Variants in ABCG5 observed in about 807,000 individuals in gnomAD.
ABCG5 encodes the protein ATP-binding cassette sub-family G member 5.
ABCG5 carries 64 observed loss-of-function variants against 64.5 expected under a neutral mutation model. The observed-to-expected ratio is 0.99, with a 90% confidence interval of 0.81 to 1.22. The LOEUF is 1.22. Among genes scored for constraint, ABCG5 ranks in the 50% most tolerant of loss-of-function variants. ABCG5 has a pLI of 0.00. For missense variants in ABCG5, 908 were observed against 829.5 expected (o/e 1.09, Z -1.16); for synonymous variants, 385 against 326.3 (o/e 1.18, Z -1.94).
In ABCG5 at chr2:43,812,946, C is replaced by G. The variant is rs1666557881; in HGVS notation, c.*170G>C. 2 of 627,392 alleles carry G rather than the reference C, an allele frequency of 3.2e-6. No homozygotes were observed. The highest frequency in any genetic ancestry group is 2.9e-6 in the Non-Finnish European group (1 of 348,838). 38.9% of individuals were successfully genotyped at this position (627,392 alleles called of 1,614,324 possible). A position where few individuals can be genotyped will look rare whatever the true frequency, so the allele number is the denominator to read the frequency against. ...AGAGCAAGGGACTATAAACCACTTC[C>G]ATTGCATTCAAGGCCTGCTTGGATC... On this transcript the variant is annotated 3_prime_UTR_variant, in exon 13 of 13. Transcript: ENST00000405322.
At position 43,838,541 on chromosome 2, in the gene ABCG5, C is replaced by T. The variant is rs72542426; in HGVS notation, c.139G>A (p.Val47Ile). The change falls in exon 1 of 13, where the codon GTC becomes ATC. Residue 47 changes from valine to isoleucine, a missense_variant. Transcript: ENST00000405322. The surrounding 1 kb of genome is among the most constrained non-coding windows in gnomAD (Gnocchi z 4.2). Reference protein sequence around the residue: ...SLGILHASYSVSHRVRPWWDI... With the variant: ...SLGILHASYSISHRVRPWWDI... ...GCAGCAAGGGCTCTGCCTTACCTGA[C>T]GCTGTAGGAGGCATGGAGGATGCCC... 107 of 1,602,512 alleles carry T rather than the reference C, an allele frequency of 6.7e-5. No homozygotes were observed. Among genetic ancestry groups the T allele is most frequent in the Middle Eastern group, 3.4e-4 (2 of 5,872 alleles).
In ABCG5 at chr2:43,820,133, C is replaced by A. The variant is rs202148058; in HGVS notation, c.1464-33G>T. ...AGCATAAGCTCTTTAGTTTCCTCTC[C>A]AAGGGCTATCATTTAAGAAAAATAC... On this transcript the variant is annotated intron_variant, in intron 10 of 12. Coordinates refer to ENST00000405322, the MANE Select transcript of ABCG5 (RefSeq NM_022436.3). 34 of 1,598,574 alleles carry A rather than the reference C, an allele frequency of 2.1e-5. No homozygotes were observed. In the East Asian group the frequency reaches 7.7e-4, roughly 36 times the overall value.
intron 12 of ABCG5, among the ~76,000 whole-genome samples, chr2:43,813,567 G>T (rs538134481): frequency 6.6e-6 from 1 of 151,900 alleles, no homozygotes; most frequent in East Asian, 1.9e-4. Context: ...CCTTAGCACA[G>T]ACTATCCTAA....
intron 11 of ABCG5, among the ~76,000 whole-genome samples, chr2:43,819,652 T>G (rs553400802): frequency 2.7e-4 from 41 of 152,296 alleles, no homozygotes; most frequent in African/African-American, 9.6e-4. Context: ...TTTCTTCTCT[T>G]GGTATAATGG....
chr2:43,816,500 T>C (rs951296324), intron 11 of ABCG5, among the ~76,000 whole-genome samples: 4 of 152,196 alleles, frequency 2.6e-5, no homozygotes, highest in Non-Finnish European at 5.9e-5. Flanking sequence ...ACCATAGATC[T>C]GGATGTATTG....
chr2:43,809,999 A>G (rs1666423779), downstream of ABCG5: 1 of 1,158,950 alleles, frequency 8.6e-7, no homozygotes, highest in South Asian at 2.3e-5. Flanking sequence ...ATCTTCTACT[A>G]CCTACCTCTA....
At chr2:43,837,631 G>A (rs143107486) in intron 2 of ABCG5, among the ~76,000 whole-genome samples, 31 of 152,184 alleles carry the variant, frequency 2.0e-4, no homozygotes, top group East Asian at 5.8e-4. Context: ...ATGAATTCAC[G>A]TACATGTTAG....
At chr2:43,837,990 TG>T in intron 1 of ABCG5, 35 bp from the exon 2 acceptor site, 1 of 1,612,944 alleles carries the variant, frequency 6.2e-7, no homozygotes, top group Non-Finnish European at 8.5e-7. Flanking sequence ...AAAGGCAGCT[TG>T]GGGCCCTGGA....
intron 12 of ABCG5, among the ~76,000 whole-genome samples, chr2:43,813,720 T>G (rs1172404867): frequency 3.2e-5 from 4 of 126,810 alleles, no homozygotes; most frequent in African/African-American, 6.3e-5. Context: ...TTTTTTTTTT[T>G]TTTTTTTTTT....
At chr2:43,816,193 C>T (rs1042697008) in intron 11 of ABCG5, among the ~76,000 whole-genome samples, 1 of 152,214 alleles carries the variant, frequency 6.6e-6, no homozygotes, top group African/African-American at 2.4e-5. Context: ...TACTTATTCA[C>T]TCAACAAATA....
In ABCG5 at chr2:43,824,007, A is replaced by G. The variant is rs767390913; in HGVS notation, c.1230T>C (p.Asn410=). ...LLFFVLRVRS[N]VLKGAIQDRV... Reference sequence around the variant, plus strand: ...GGTCCTGGATAGCACCCTTTAGCACATTGCTTCGGACCCGCAGAACGAAGA... The same window carrying G: ...GGTCCTGGATAGCACCCTTTAGCACGTTGCTTCGGACCCGCAGAACGAAGA... Residue 410 remains asparagine, a synonymous_variant, in exon 9 of 13, where the codon AAT becomes AAC. Coordinates refer to ENST00000405322, the MANE Select transcript of ABCG5 (RefSeq NM_022436.3). The G allele has an allele frequency of 6.2e-7, 1 of 1,614,162 alleles. No homozygotes were observed. Among genetic ancestry groups the G allele is most frequent in the South Asian group, 1.1e-5 (1 of 91,084 alleles).
chr2:43,823,383 C>A (rs1231692158), intron 9 of ABCG5, among the ~76,000 whole-genome samples: 3 of 150,858 alleles, frequency 2.0e-5, no homozygotes, highest in Admixed American at 6.6e-5. Flanking sequence ...ATGTCAAGCT[C>A]TAGAGCAACT....
chr2:43,831,548 C>T lies in ABCG5; in HGVS notation c.501+221G>A, dbSNP rs1667946704. The stretch of plus-strand genomic sequence containing the variant: ...TCTGAAATTTGATGTGTATTTTGCG[C>T]TCAGAGCACGTTTCAGTCTGGACTA... On this transcript the variant is annotated intron_variant, in intron 4 of 12. Transcript: ENST00000405322. Among the ~76,000 whole-genome samples the T allele has an allele frequency of 2.0e-5, 3 of 152,186 alleles. No homozygotes were observed. In the South Asian group the frequency reaches 6.2e-4, roughly 32 times the overall value.
At chr2:43,831,644 C>T (rs1572788961) in intron 4 of ABCG5, 125 bp downstream of exon 4, 1 of 975,308 alleles carries the variant, frequency 1.0e-6, no homozygotes, top group Non-Finnish European at 1.6e-6. Context: ...GGACGCAGGG[C>T]GCGCTCTAGA....
At chr2:43,834,127 T>C (rs1180610049) in intron 2 of ABCG5, among the ~76,000 whole-genome samples, 2 of 152,064 alleles carry the variant, frequency 1.3e-5, no homozygotes, top group African/African-American at 4.8e-5. Context: ...GTGGACAGAG[T>C]GGGGAAAGAG....
downstream of ABCG5, among the ~76,000 whole-genome samples, chr2:43,812,087 G>C (rs1666506698): frequency 6.6e-6 from 1 of 150,808 alleles, no homozygotes; most frequent in East Asian, 2.0e-4. Flanking sequence ...CTCTGTCTCT[G>C]TTGCCCAGGC....
chr2:43,827,937 G>T, intron 5 of ABCG5, 46 bp downstream of exon 5: 1 of 1,611,662 alleles, frequency 6.2e-7, no homozygotes, highest in South Asian at 1.1e-5. Context: ...CACACACACA[G>T]AAGATGCCCA....
chr2:43,824,808 G>C (rs1321043472), intron 7 of ABCG5, 81 bp downstream of exon 7: 1 of 1,581,830 alleles, frequency 6.3e-7, no homozygotes, highest in East Asian at 2.3e-5. Flanking sequence ...AAATCCACTA[G>C]ACTGGTGTCA....
chr2:43,812,973 A>C lies in ABCG5; in HGVS notation c.*143T>G. Reference sequence around the variant, plus strand: ...TTGCATTCAAGGCCTGCTTGGATCCAAGAGGCACAAATGGAGTCTTAATGG... The same window carrying C: ...TTGCATTCAAGGCCTGCTTGGATCCCAGAGGCACAAATGGAGTCTTAATGG... On this transcript the variant is annotated 3_prime_UTR_variant, in exon 13 of 13. Coordinates refer to ENST00000405322, the MANE Select transcript of ABCG5 (RefSeq NM_022436.3). The C allele has an allele frequency of 1.5e-6, 1 of 675,970 alleles. No individual in the cohort carries two copies. Among genetic ancestry groups the C allele is most frequent in the Non-Finnish European group, 2.7e-6 (1 of 368,372 alleles). The allele number at this position is 675,970 out of a possible 1,614,324, so 41.9% of individuals were successfully genotyped here. A position where few individuals can be genotyped will look rare whatever the true frequency, so the allele number is the denominator to read the frequency against.
Sources: allele counts gnomAD v4.1 joint callset (sites outside exome capture counted in the v4.1 genomes callset), GRCh38; gene constraint gnomAD v4.1.1; non-coding constraint Gnocchi (gnomAD v3.1); transcripts MANE v1.5; gene names NCBI Gene and HGNC (gene_info 2026-07-23, HGNC 2026-07-21).